Variants in C2CD3 observed in about 807,000 individuals in gnomAD.
C2CD3 encodes the protein C2 domain-containing protein 3.
C2CD3 carries 148 observed loss-of-function variants against 234.0 expected under a neutral mutation model. That is an observed-to-expected ratio of 0.63 (90% CI 0.55 to 0.72). C2CD3 has a LOEUF of 0.72. Among genes scored for constraint, C2CD3 ranks in the 30% least tolerant of loss-of-function variants. The probability of loss-of-function intolerance (pLI) is 0.00; values close to 1 mark genes in which losing one functional copy is unlikely to be tolerated. For missense variants in C2CD3, 2,577 were observed against 2,811.5 expected, an observed-to-expected ratio of 0.92 and a Z score of 1.89; for synonymous variants, 1,000 against 1,035.4, an observed-to-expected ratio of 0.97 and a Z score of 0.66.
intron 32 of C2CD3, among the ~76,000 whole-genome samples, chr11:74,022,450 T>C (rs532298001): frequency 3.2e-4 from 49 of 152,278 alleles, no homozygotes; most frequent in Non-Finnish European, 5.9e-4. Flanking sequence ...GGTGGGTCCG[T>C]ACGTGTCTGC....
At chr11:74,167,775 A>T (rs1856901331) in intron 2 of C2CD3, among the ~76,000 whole-genome samples, 2 of 152,260 alleles carry the variant, frequency 1.3e-5, no homozygotes, top group African/African-American at 4.8e-5. Context: ...AAAAATGAAG[A>T]CATCTTGGCT....
At chr11:74,139,047 G>T in intron 4 of C2CD3, 80 bp from the exon 5 acceptor site, 2 of 1,273,564 alleles carry the variant, frequency 1.6e-6, no homozygotes, top group Non-Finnish European at 2.2e-6. Context: ...ACAGAAAGTA[G>T]ACCAGTGGTT....
intron 29 of C2CD3, among the ~76,000 whole-genome samples, chr11:74,038,894 A>C (rs895648750): frequency 4.6e-5 from 7 of 152,180 alleles, no homozygotes; most frequent in Non-Finnish European, 1.0e-4. Flanking sequence ...TCCTTAGTAC[A>C]CTCAATGTGC....
intron 3 of C2CD3, among the ~76,000 whole-genome samples, chr11:74,155,553 C>T (rs1855954849): frequency 6.6e-6 from 1 of 152,112 alleles, no homozygotes. Flanking sequence ...AAGTATTATT[C>T]ATCCACAAAA....
chr11:74,083,472 C>G (rs1339696492), intron 22 of C2CD3, among the ~76,000 whole-genome samples: 1 of 152,158 alleles, frequency 6.6e-6, no homozygotes, highest in Non-Finnish European at 1.5e-5. Context: ...AGCTTCTGCA[C>G]AGCAAAAGAA....
intron 3 of C2CD3, among the ~76,000 whole-genome samples, chr11:74,143,743 C>T (rs1265001709): frequency 6.6e-6 from 1 of 151,664 alleles, no homozygotes; most frequent in East Asian, 1.9e-4. Context: ...GGATATTGTT[C>T]TATACTTTTC....
rs1955177556 is a variant in C2CD3, at chr11:74,078,525, C to T, written c.4193G>A (p.Arg1398Lys). ...AGTGGCTGGCTCCCCTTCATCCATT[C>T]TGACAAAATCTTTCAGGCTGTTCTC... The part of the protein sequence containing the change: ...SFENSLKDFV[R>K]MDEGEPATVT... The change falls in exon 23 of 33, where the codon AGA becomes AAA. Residue 1398 changes from arginine to lysine, a missense_variant. By Grantham distance (26) the Arg-to-Lys change is conservative (BLOSUM62 2). Coordinates refer to ENST00000334126, the MANE Select transcript of C2CD3 (RefSeq NM_001286577.2). 6.2e-7 allele frequency: 1 copy of T among 1,614,040 alleles called. No homozygotes were observed. Among genetic ancestry groups the T allele is most frequent in the East Asian group, 2.2e-5 (1 of 44,896 alleles).
rs542660333 is a variant in C2CD3, at chr11:74,074,546, C to T, written c.4658G>A (p.Arg1553Gln). 1.6e-5 allele frequency: 26 copies of T among 1,614,100 alleles called. No homozygotes were observed. The Middle Eastern group carries it at 4.9e-4, about 31-fold the overall frequency. The stretch of plus-strand genomic sequence containing the variant: ...AAGAGAGGAAAGAACCACATGAACT[C>T]GCAAGGCAGCTCCTGAGAGGTTGGA... The part of the protein sequence containing the change: ...NASNLSGAAL[R>Q]VHVVLSSLSS... Residue 1553 changes from arginine (R) to glutamine (Q), a missense_variant, in exon 24 of 33, where the codon CGA becomes CAA. Arg to Gln is a conservative substitution (Grantham distance 43). Coordinates refer to ENST00000334126, the MANE Select transcript of C2CD3 (RefSeq NM_001286577.2).
At position 74,103,205 on chromosome 11, in the gene C2CD3, G is replaced by A. The variant is rs1174587801; in HGVS notation, c.2506C>T (p.Leu836Phe). 1 of 1,614,160 alleles carries A rather than the reference G, an allele frequency of 6.2e-7. No individual in the cohort carries two copies. Among genetic ancestry groups the A allele is most frequent in the Admixed American group, 1.7e-5 (1 of 60,024 alleles). ...CTGGTGACTTCCTCTGTGCTGAAGA[G>A]TTTACAATTTAAATAAACATTGCAT... is the stretch of plus-strand genomic sequence containing the variant. ...SPCNVYLNCK[L>F]FSTEEVTRSV... The change falls in exon 14 of 33, where the codon CTC becomes TTC. Residue 836 changes from leucine (L) to phenylalanine (F), a missense_variant. Physicochemically the swap from Leu to Phe is conservative, Grantham distance 22. Transcript: ENST00000334126.
chr11:74,054,145 G>T (rs550701918), intron 26 of C2CD3, among the ~76,000 whole-genome samples: 1 of 151,920 alleles, frequency 6.6e-6, no homozygotes, highest in Admixed American at 6.6e-5. Context: ...GGTGGCAGGC[G>T]CCTGTAGTCC....
At chr11:74,099,093 G>T (rs562570916) in intron 15 of C2CD3, among the ~76,000 whole-genome samples, 30 of 152,256 alleles carry the variant, frequency 2.0e-4, no homozygotes, top group African/African-American at 7.2e-4. Flanking sequence ...AATGGAATGA[G>T]AAGTGAAGTG....
Position 74,013,422 on chromosome 11 carries a change from G to T in C2CD3, c.7025C>A (p.Ala2342Glu). The change falls in exon 33 of 33, where the codon GCA becomes GAA. Residue 2342 changes from alanine to glutamate, a missense_variant. Transcript: ENST00000334126. ...GGAGTACTGAGAAGAAAATATCCGT[G>T]CAATCCTGAGAGTTTCTTCCTCAGG... ...NLPEEETLRI[A>E]RIFSSQYSQK... The T allele has an allele frequency of 7.5e-7, 1 of 1,334,784 alleles. No homozygotes were observed. 82.7% of individuals were successfully genotyped at this position (1,334,784 alleles called of 1,614,324 possible). A position where few individuals can be genotyped will look rare whatever the true frequency, so the allele number is the denominator to read the frequency against.
chr11:74,043,641 T>C (rs1365757654), intron 28 of C2CD3, among the ~76,000 whole-genome samples: 1 of 152,004 alleles, frequency 6.6e-6, no homozygotes, highest in South Asian at 2.1e-4. Flanking sequence ...AGGCTTGAGA[T>C]ATCTTTTTTT....
Position 74,034,071 on chromosome 11 carries a change from C to T in C2CD3, c.6089G>A (p.Gly2030Glu), listed in dbSNP as rs966681458. ...CAGGGACTCATGGAGCATTCTTCCT[C>T]CATTTGAAGTCTCTTCGAGAGGAGG... Reference protein sequence around the residue: ...SPPPLEETSNGGRMLHESLRH... With the variant: ...SPPPLEETSNEGRMLHESLRH... Residue 2030 changes from glycine to glutamate, a missense_variant, in exon 31 of 33, where the codon GGA (glycine) becomes GAA (glutamate). Coordinates refer to ENST00000334126, the MANE Select transcript of C2CD3 (RefSeq NM_001286577.2). 7 of 1,536,214 alleles carry T rather than the reference C, an allele frequency of 4.6e-6. No homozygotes were observed. The African/African-American group carries it at 8.2e-5, about 18-fold the overall frequency.
intron 14 of C2CD3, among the ~76,000 whole-genome samples, chr11:74,101,762 G>C (rs1029885894): frequency 1.1e-4 from 17 of 151,834 alleles, no homozygotes; most frequent in African/African-American, 4.1e-4. Flanking sequence ...AGAATATTCA[G>C]GAAAGTCTAA....
rs755348158 is a variant in C2CD3 at position 74,104,915 on chromosome 11, T to C, written c.2086-1290A>G. On this transcript the variant is annotated intron_variant, in intron 13 of 32. Transcript: ENST00000334126. ...ATAACCCCTTTCTGATTTTAAACTT[T>C]GTAGTTCAGAATGAACCAGGCAGAC... Among the ~76,000 whole-genome samples, 102 of 152,224 alleles carry C rather than the reference T, an allele frequency of 6.7e-4. 1 individual carries two copies. The highest frequency in any genetic ancestry group is 3.3e-3 in the Admixed American group (51 of 15,282).
intron 15 of C2CD3, among the ~76,000 whole-genome samples, chr11:74,099,974 C>A (rs1435076771): frequency 6.6e-6 from 1 of 151,804 alleles, no homozygotes; most frequent in African/African-American, 2.4e-5. Flanking sequence ...TTAATCAATA[C>A]CCCACCTACG....
Position 74,103,621 on chromosome 11 carries a change from G to T in C2CD3, c.2090C>A (p.Thr697Asn). 1.2e-6 allele frequency: 2 copies of T among 1,606,784 alleles called. No individual in the cohort carries two copies. The highest frequency in any genetic ancestry group is 1.1e-5 in the South Asian group (1 of 90,644). Reference protein sequence around the residue: ...GQSPFGPLKVTMELITDNKDF... With the variant: ...GQSPFGPLKVNMELITDNKDF... ...TTTGTTATCTGTAATAAGCTCCATG[G>T]TTACCTGTAAAACACAAAAGGAGAA... The change falls in exon 14 of 33, where the codon ACC (threonine) becomes AAC (asparagine). Residue 697 changes from threonine (T) to asparagine (N), a missense_variant. By Grantham distance (65) the Thr-to-Asn change is moderately conservative. Transcript: ENST00000334126.
intron 7 of C2CD3, among the ~76,000 whole-genome samples, chr11:74,130,782 C>T (rs1280416919): frequency 1.3e-5 from 2 of 151,900 alleles, no homozygotes; most frequent in Non-Finnish European, 2.9e-5. Context: ...AGTGTGAGTC[C>T]TACTTTCTTT....
Sources: allele counts gnomAD v4.1 joint callset (sites outside exome capture counted in the v4.1 genomes callset), GRCh38; gene constraint gnomAD v4.1.1; transcripts MANE v1.5; gene names NCBI Gene and HGNC (gene_info 2026-07-23, HGNC 2026-07-21).